The following TOLLIP variants were observed in gnomAD, a reference collection of about 807,000 sequenced individuals.
TOLLIP encodes toll interacting protein, also known as toll-interacting protein.
Under a neutral mutation model 33.5 loss-of-function variants are expected in TOLLIP, and 16 were observed. The observed-to-expected ratio is 0.48, with a 90% confidence interval of 0.32 to 0.72. TOLLIP has a LOEUF of 0.72. Among genes scored for constraint, TOLLIP ranks in the 30% least tolerant of loss-of-function variants. The pLI, the probability that TOLLIP is intolerant of heterozygous loss-of-function variation, is 0.03. For missense variants in TOLLIP, 325 were observed against 396.6 expected (o/e 0.82, Z 1.53); for synonymous variants, 176 against 163.7 (o/e 1.07, Z -0.57).
chr11:1,276,726 A>G lies in TOLLIP; in HGVS notation c.*313T>C, dbSNP rs955275239. On this transcript the variant is annotated 3_prime_UTR_variant, in exon 6 of 6. Coordinates refer to ENST00000317204, the MANE Select transcript of TOLLIP (RefSeq NM_019009.4). ...CCACCACCTCCAACACCCTGGCAGA[A>G]GCAGCTGCTCTCTACAGCAAGAGCA... The G allele has an allele frequency of 4.6e-5, 67 of 1,444,206 alleles. No homozygotes were observed. Among genetic ancestry groups the G allele is most frequent in the Non-Finnish European group, 5.9e-5 (64 of 1,088,114 alleles). 89.5% of individuals were successfully genotyped at this position (1,444,206 alleles called of 1,614,324 possible).
Position 1,277,393 on chromosome 11 carries a change from C to G in TOLLIP, c.611-140G>C, listed in dbSNP as rs1238808932. On this transcript the variant is annotated intron_variant, in intron 5 of 5. Coordinates refer to ENST00000317204, the MANE Select transcript of TOLLIP (RefSeq NM_019009.4). The surrounding 1 kb of genome is among the most constrained non-coding windows in gnomAD (Gnocchi z 4.2). Reference sequence around the variant, plus strand: ...ACCTCGGGTCTCAGCAAACACCAGTCCCGCAAGACACCCTGGAAAGGCAAA... The same window carrying G: ...ACCTCGGGTCTCAGCAAACACCAGTGCCGCAAGACACCCTGGAAAGGCAAA... 33 of 636,468 alleles carry G rather than the reference C, an allele frequency of 5.2e-5. No individual in the cohort carries two copies. Among genetic ancestry groups the G allele is most frequent in the Middle Eastern group, 4.4e-4 (1 of 2,286 alleles). 39.4% of individuals were successfully genotyped at this position (636,468 alleles called of 1,614,324 possible). A position where few individuals can be genotyped will look rare whatever the true frequency, so the allele number is the denominator to read the frequency against.
In TOLLIP at chr11:1,276,951, C is replaced by A. The variant is rs926137972; in HGVS notation, c.*88G>T. On this transcript the variant is annotated 3_prime_UTR_variant, in exon 6 of 6. Transcript: ENST00000317204. ...AGGGGGCGACACGGGTGCTCTTTCA[C>A]GGGAATCTTGTTGGGACAGCATTCC... 1.8e-5 allele frequency: 28 copies of A among 1,582,764 alleles called. No homozygotes were observed. Among genetic ancestry groups the A allele is most frequent in the Non-Finnish European group, 2.3e-5 (27 of 1,161,342 alleles).
At chr11:1,296,681 G>A (rs1420926238) in intron 1 of TOLLIP, among the ~76,000 whole-genome samples, 11 of 137,062 alleles carry the variant, frequency 8.0e-5, no homozygotes, top group Admixed American at 7.1e-5. Context: ...GGTGGAGTGG[G>A]GTGGAGGCCT....
Position 1,288,789 on chromosome 11 carries a change from AGAGG to A in TOLLIP, c.367-17_367-14del. On this transcript the variant is annotated splice_polypyrimidine_tract_variant and intron_variant, in intron 3 of 5. Transcript: ENST00000317204. ...TGGAGAAGGCTCTCTGCGGGAGACAAGAGGGAGAGGCCCCAGGCATCAGGGAAGG... is the reference window on the plus strand; with the variant it reads ...TGGAGAAGGCTCTCTGCGGGAGACAAGAGAGGCCCCAGGCATCAGGGAAGG... 1 of 1,609,120 alleles carries A rather than the reference AGAGG, an allele frequency of 6.2e-7. No homozygotes were observed. The highest frequency in any genetic ancestry group is 8.5e-7 in the Non-Finnish European group (1 of 1,177,728).
chr11:1,296,348 C>G (rs1864112192), intron 1 of TOLLIP, among the ~76,000 whole-genome samples: 1 of 152,258 alleles, frequency 6.6e-6, no homozygotes, highest in African/African-American at 2.4e-5. Flanking sequence ...GACCTCCCCA[C>G]TCTGCATCCT....
intron 1 of TOLLIP, among the ~76,000 whole-genome samples, chr11:1,297,145 G>C (rs564332740): frequency 6.6e-6 from 1 of 152,094 alleles, no homozygotes; most frequent in African/African-American, 2.4e-5. Flanking sequence ...TCGGTGTGTC[G>C]GACGTGAGCT....
intron 5 of TOLLIP, among the ~76,000 whole-genome samples, chr11:1,281,599 G>A (rs1259581394): frequency 1.3e-5 from 2 of 152,226 alleles, no homozygotes; most frequent in Non-Finnish European, 2.9e-5. Flanking sequence ...GCGGCTGAAG[G>A]GGCTGGCGAG....
chr11:1,284,930 G>T (rs1863637731), intron 5 of TOLLIP, among the ~76,000 whole-genome samples: 5 of 152,110 alleles, frequency 3.3e-5, no homozygotes, highest in Admixed American at 1.3e-4. Context: ...GTGGGTCTAG[G>T]GCGAGGTCCC....
intron 5 of TOLLIP, among the ~76,000 whole-genome samples, chr11:1,280,617 C>T (rs542450808): frequency 1.6e-4 from 24 of 152,094 alleles, no homozygotes; most frequent in Non-Finnish European, 3.2e-4. Context: ...ACGGTGAGCA[C>T]AGAATGAGCT....
chr11:1,300,879 G>T lies in TOLLIP; in HGVS notation c.34-5085C>A, dbSNP rs912260838. ...CCACTTCCATGACTGGCCCCCTGCG[G>T]AGCCTTTTTAAACCTTCTCACCGTT... is the stretch of plus-strand genomic sequence containing the variant. On this transcript the variant is annotated intron_variant, in intron 1 of 5. Coordinates refer to ENST00000317204, the MANE Select transcript of TOLLIP (RefSeq NM_019009.4). Among the ~76,000 whole-genome samples the T allele has an allele frequency of 4.6e-5, 7 of 152,348 alleles. No individual in the cohort carries two copies. In the East Asian group the frequency reaches 1.4e-3, roughly 29 times the overall value.
intron 5 of TOLLIP, among the ~76,000 whole-genome samples, chr11:1,282,738 AC>A (rs1863544943): frequency 6.6e-6 from 1 of 151,948 alleles, no homozygotes; most frequent in African/African-American, 2.4e-5. Flanking sequence ...TATGTAACAA[AC>A]CTGCACGTTG....
In TOLLIP at chr11:1,290,779, C is replaced by A; in HGVS notation, c.184-370G>T. On this transcript the variant is annotated intron_variant, in intron 2 of 5. Coordinates refer to ENST00000317204, the MANE Select transcript of TOLLIP (RefSeq NM_019009.4). This position sits in a 1 kb window ranked among gnomAD's most constrained non-coding sequence, Gnocchi z 4.9. ...GGAGGTCCCGGGACAGAGCTGAGAG[C>A]CAGAGCATGACATGGAGTGTGAACC... 4.9e-6 allele frequency: 1 copy of A among 205,324 alleles called. No homozygotes were observed. The highest frequency in any genetic ancestry group is 2.3e-5 in the African/African-American group (1 of 43,672). 12.7% of individuals were successfully genotyped at this position (205,324 alleles called of 1,614,324 possible).
At position 1,277,705 on chromosome 11, in the gene TOLLIP, C is replaced by T. The variant is rs1235732531; in HGVS notation, c.611-452G>A. Among the ~76,000 whole-genome samples the T allele has an allele frequency of 6.6e-6, 1 of 152,188 alleles. No individual in the cohort carries two copies. The highest frequency in any genetic ancestry group is 2.4e-5 in the African/African-American group (1 of 41,440). The stretch of plus-strand genomic sequence containing the variant: ...GTCACGCCCGCTGATCCAAACACTG[C>T]ACGGTCTGAGCCTCTTCCTTTATCA... On this transcript the variant is annotated intron_variant, in intron 5 of 5. Transcript: ENST00000317204. This position sits in a 1 kb window ranked among gnomAD's most constrained non-coding sequence, Gnocchi z 4.2.
chr11:1,306,951 G>A (rs566100657), intron 1 of TOLLIP, among the ~76,000 whole-genome samples: 2 of 151,304 alleles, frequency 1.3e-5, no homozygotes, highest in African/African-American at 2.4e-5. Context: ...ACCCAGCCCT[G>A]GTGAGGCCCA....
intron 5 of TOLLIP, among the ~76,000 whole-genome samples, chr11:1,280,771 C>G (rs1213951234): frequency 1.3e-5 from 2 of 152,118 alleles, no homozygotes; most frequent in Admixed American, 1.3e-4. Context: ...CCCCAGAGGA[C>G]AGCGCGGCCG....
chr11:1,291,540 C>A (rs1040685727), intron 2 of TOLLIP, among the ~76,000 whole-genome samples: 2 of 148,260 alleles, frequency 1.3e-5, no homozygotes, highest in African/African-American at 5.0e-5. Flanking sequence ...CCCCCGAAGG[C>A]ACGGCCACCC....
chr11:1,296,020 C>A (rs375639703), intron 1 of TOLLIP, among the ~76,000 whole-genome samples: 2 of 152,212 alleles, frequency 1.3e-5, no homozygotes, highest in African/African-American at 4.8e-5. Context: ...TCAGGAGATC[C>A]CCAAATGCAG....
At chr11:1,281,050 G>A (rs1053455073) in intron 5 of TOLLIP, among the ~76,000 whole-genome samples, 2 of 152,208 alleles carry the variant, frequency 1.3e-5, no homozygotes, top group Admixed American at 6.5e-5. Flanking sequence ...GAGGCCACGC[G>A]GTCTCCAGAT....
At chr11:1,302,218 G>C (rs905315091) in intron 1 of TOLLIP, among the ~76,000 whole-genome samples, 4 of 152,246 alleles carry the variant, frequency 2.6e-5, no homozygotes, top group African/African-American at 9.6e-5. Context: ...ATCCAGATCC[G>C]GGCGTGCAAG....
Sources: allele counts gnomAD v4.1 joint callset (sites outside exome capture counted in the v4.1 genomes callset), GRCh38; gene constraint gnomAD v4.1.1; non-coding constraint Gnocchi (gnomAD v3.1); transcripts MANE v1.5; gene names NCBI Gene and HGNC (gene_info 2026-07-23, HGNC 2026-07-21).